The following KCNH1 variants were observed in gnomAD, a reference collection of about 807,000 sequenced individuals.
KCNH1 encodes the protein potassium voltage-gated channel subfamily H member 1, also known as voltage-gated delayed rectifier potassium channel KCNH1.
KCNH1 carries 27 observed loss-of-function variants against 69.2 expected under a neutral mutation model. That is an observed-to-expected ratio of 0.39 (90% CI 0.29 to 0.54). KCNH1 has a LOEUF of 0.54. Among genes scored for constraint, KCNH1 ranks in the 20% least tolerant of loss-of-function variants. The pLI is 0.68. For missense variants in KCNH1, 798 were observed against 1,261.6 expected (o/e 0.63, Z 5.57); for synonymous variants, 456 against 487.7 (o/e 0.93, Z 0.86).
At chr1:210,804,451 GT>G (rs1684492979) in intron 7 of KCNH1, among the ~76,000 whole-genome samples, 1 of 152,254 alleles carries the variant, frequency 6.6e-6, no homozygotes, top group South Asian at 2.1e-4. Context: ...AGACACAGCA[GT>G]GGGGGCTAGG....
At chr1:211,065,356 A>G (rs1025739051) in intron 5 of KCNH1, among the ~76,000 whole-genome samples, 2 of 152,330 alleles carry the variant, frequency 1.3e-5, no homozygotes, top group Admixed American at 1.3e-4. Context: ...ACTGGAGGAC[A>G]TTGTGTTAAG....
intron 7 of KCNH1, among the ~76,000 whole-genome samples, chr1:210,885,535 C>T (rs1177740265): frequency 1.3e-5 from 2 of 151,930 alleles, no homozygotes; most frequent in Non-Finnish European, 2.9e-5. Flanking sequence ...GGAACACCAG[C>T]GAGACAGAAC....
rs146698034 is a variant in KCNH1, at chr1:211,077,459, T to C, written c.558+5321A>G. Among the ~76,000 whole-genome samples, 1,238 of 152,302 alleles carry C rather than the reference T, an allele frequency of 8.1e-3. 16 individuals carry two copies. The highest frequency in any genetic ancestry group is 0.028 in the African/African-American group (1,168 of 41,550). ...AGAGAGTGGGGGCCAATATTCAACA[T>C]TCTTAAAGAAAATAATTTTCAACCC... On this transcript the variant is annotated intron_variant, in intron 5 of 10. Coordinates refer to ENST00000271751, the MANE Select transcript of KCNH1 (RefSeq NM_172362.3).
At chr1:211,016,313 T>C (rs1478474140) in intron 6 of KCNH1, among the ~76,000 whole-genome samples, 1 of 152,190 alleles carries the variant, frequency 6.6e-6, no homozygotes, top group Non-Finnish European at 1.5e-5. Flanking sequence ...ACCTACCAGG[T>C]AACTGACACA....
intron 10 of KCNH1, among the ~76,000 whole-genome samples, chr1:210,708,797 G>A (rs1033227079): frequency 2.0e-5 from 3 of 152,128 alleles, no homozygotes; most frequent in Non-Finnish European, 4.4e-5. Context: ...TTCCAAAATG[G>A]AAAGTCTCTG....
chr1:210,870,825 C>A (rs911818328), intron 7 of KCNH1, among the ~76,000 whole-genome samples: 2 of 152,102 alleles, frequency 1.3e-5, no homozygotes, highest in African/African-American at 4.8e-5. Flanking sequence ...CAATACAATT[C>A]ATAGAAATGA....
chr1:211,126,779 C>G (rs185283305), intron 1 of KCNH1, among the ~76,000 whole-genome samples: 1 of 151,268 alleles, frequency 6.6e-6, no homozygotes, highest in East Asian at 1.9e-4. Context: ...AAAACTCACA[C>G]CAATGGATGA....
intron 6 of KCNH1, among the ~76,000 whole-genome samples, chr1:210,973,059 T>C (rs1272131267): frequency 6.6e-6 from 1 of 152,024 alleles, no homozygotes; most frequent in Non-Finnish European, 1.5e-5. Flanking sequence ...TGAACTTCAA[T>C]GACTCTTCCT....
intron 5 of KCNH1, among the ~76,000 whole-genome samples, chr1:211,021,545 A>C (rs955747714): frequency 2.0e-5 from 3 of 148,982 alleles, no homozygotes; most frequent in Admixed American, 6.7e-5. Context: ...CTGTTTGCAG[A>C]TATAATCATA....
intron 6 of KCNH1, among the ~76,000 whole-genome samples, chr1:210,964,316 T>C (rs949991051): frequency 2.0e-5 from 3 of 152,138 alleles, no homozygotes; most frequent in Middle Eastern, 3.4e-3. Flanking sequence ...ACAACTAGTA[T>C]CAGCCACTGC....
intron 6 of KCNH1, among the ~76,000 whole-genome samples, chr1:210,981,372 C>CAAAAAA (rs10684074): frequency 1.0e-3 from 86 of 85,294 alleles, no homozygotes; most frequent in African/African-American, 2.5e-3. Context: ...GTAACAACGA[C>CAAAAAA]AAAAAAAAAA....
At chr1:210,916,954 C>T (rs533274371) in intron 7 of KCNH1, among the ~76,000 whole-genome samples, 77 of 152,062 alleles carry the variant, frequency 5.1e-4, no homozygotes, top group African/African-American at 1.9e-3. Context: ...TCAAGACCAG[C>T]CTGGCCAACA....
chr1:210,795,824 C>T (rs1429263047), intron 9 of KCNH1, among the ~76,000 whole-genome samples: 2 of 151,996 alleles, frequency 1.3e-5, no homozygotes, highest in Admixed American at 6.6e-5. Context: ...TAGCATACTA[C>T]GTTAATTATC....
intron 7 of KCNH1, among the ~76,000 whole-genome samples, chr1:210,874,590 A>G (rs1328361256): frequency 6.6e-6 from 1 of 152,210 alleles, no homozygotes; most frequent in Non-Finnish European, 1.5e-5. Flanking sequence ...TCCACCACAA[A>G]GAATTCGATA....
intron 10 of KCNH1, among the ~76,000 whole-genome samples, chr1:210,694,412 C>A (rs968769075): frequency 2.0e-5 from 3 of 151,372 alleles, no homozygotes; most frequent in African/African-American, 7.3e-5. Flanking sequence ...TGGGTAGAGG[C>A]CCGAGGCACT....
intron 7 of KCNH1, among the ~76,000 whole-genome samples, chr1:210,902,980 T>G (rs1298128288): frequency 6.6e-6 from 1 of 152,208 alleles, no homozygotes; most frequent in Non-Finnish European, 1.5e-5. Context: ...CCTTCAAAAG[T>G]AGCCCCTATT....
chr1:210,947,531 C>A (rs1284605472), intron 6 of KCNH1, among the ~76,000 whole-genome samples: 5 of 150,750 alleles, frequency 3.3e-5, no homozygotes, highest in African/African-American at 1.2e-4. Context: ...GCAGAGATCA[C>A]GCCACTGCAC....
chr1:211,090,819 G>A (rs1691038619), intron 3 of KCNH1, 129 bp from the exon 4 acceptor site: 13 of 837,762 alleles, frequency 1.6e-5, no homozygotes, highest in Middle Eastern at 5.4e-4. Flanking sequence ...AATACTTCAA[G>A]TGCTGGGTTA....
At chr1:211,110,498 A>C (rs1691438791) in intron 1 of KCNH1, among the ~76,000 whole-genome samples, 1 of 152,186 alleles carries the variant, frequency 6.6e-6, no homozygotes, top group Non-Finnish European at 1.5e-5. Context: ...GGAAAACAAA[A>C]ACCAAAATCT....
Sources: allele counts gnomAD v4.1 joint callset (sites outside exome capture counted in the v4.1 genomes callset), GRCh38; gene constraint gnomAD v4.1.1; transcripts MANE v1.5; gene names NCBI Gene and HGNC (gene_info 2026-07-23, HGNC 2026-07-21).